LRRC7: variants seen among roughly 807,000 people sequenced by gnomAD.
LRRC7 encodes leucine rich repeat containing 7.
Under a neutral mutation model 175.7 loss-of-function variants are expected in LRRC7, and 23 were observed. That is an observed-to-expected ratio of 0.13 (90% CI 0.09 to 0.19). The LOEUF (loss-of-function observed/expected upper bound fraction) is 0.19. LRRC7 is among the 10% of genes least tolerant of loss of function. LRRC7 has a pLI of 1.00. For missense variants in LRRC7, 1,354 were observed against 1,904.7 expected (o/e 0.71, Z 5.38); for synonymous variants, 685 against 680.9 (o/e 1.01, Z -0.09).
intron 2 of LRRC7, 44 bp downstream of exon 2, chr1:69,678,522 G>T: frequency 7.2e-7 from 1 of 1,393,888 alleles, no homozygotes; most frequent in South Asian, 1.2e-5. Context: ...GATAGATTTT[G>T]GTGAGTAGCA....
At chr1:69,812,084 A>G (rs897782030) in intron 4 of LRRC7, among the ~76,000 whole-genome samples, 1 of 152,130 alleles carries the variant, frequency 6.6e-6, no homozygotes, top group Non-Finnish European at 1.5e-5. Flanking sequence ...TATAGAACAA[A>G]TGGAGCTTAC....
chr1:69,760,780 A>G (rs1317603139), intron 3 of LRRC7, among the ~76,000 whole-genome samples: 1 of 152,002 alleles, frequency 6.6e-6, no homozygotes, highest in Admixed American at 6.6e-5. Flanking sequence ...TTATATTACA[A>G]CCTTGAATTG....
intron 4 of LRRC7, among the ~76,000 whole-genome samples, chr1:69,820,843 G>T (rs573229571): frequency 3.3e-4 from 51 of 152,288 alleles, no homozygotes; most frequent in African/African-American, 1.2e-3. Flanking sequence ...TGTCTTTATA[G>T]TAGAATGATT....
At chr1:69,779,250 C>A (rs1673207393) in intron 3 of LRRC7, among the ~76,000 whole-genome samples, 1 of 152,118 alleles carries the variant, frequency 6.6e-6, no homozygotes, top group Non-Finnish European at 1.5e-5. Context: ...TATGAACAAG[C>A]ATGCTCATCC....
At chr1:69,846,877 T>G (rs778253347) in intron 7 of LRRC7, among the ~76,000 whole-genome samples, 11 of 152,132 alleles carry the variant, frequency 7.2e-5, no homozygotes, top group Non-Finnish European at 1.6e-4. Flanking sequence ...TAAAAATATC[T>G]TTATCATAAA....
intron 7 of LRRC7, among the ~76,000 whole-genome samples, chr1:69,903,349 T>A (rs1646192854): frequency 6.6e-6 from 1 of 152,132 alleles, no homozygotes; most frequent in African/African-American, 2.4e-5. Context: ...GGGTGGGGCA[T>A]CGCCTCACCT....
At chr1:69,717,511 A>C (rs144293518) in intron 2 of LRRC7, among the ~76,000 whole-genome samples, 3 of 151,796 alleles carry the variant, frequency 2.0e-5, no homozygotes, top group African/African-American at 7.2e-5. Context: ...GAAAATTATT[A>C]GTCCTTAGTG....
intron 7 of LRRC7, among the ~76,000 whole-genome samples, chr1:69,884,713 T>C (rs1364239334): frequency 6.9e-6 from 1 of 145,036 alleles, no homozygotes; most frequent in Non-Finnish European, 1.5e-5. Context: ...AGGGAATGCT[T>C]CCAGTTTTTG....
At chr1:69,809,063 T>A (rs531879553) in intron 4 of LRRC7, among the ~76,000 whole-genome samples, 1 of 151,846 alleles carries the variant, frequency 6.6e-6, no homozygotes, top group Non-Finnish European at 1.5e-5. Context: ...AAGAATCAAA[T>A]AGACACAATA....
At chr1:70,004,158 AT>A (rs975438476) in intron 11 of LRRC7, among the ~76,000 whole-genome samples, 3 of 152,166 alleles carry the variant, frequency 2.0e-5, no homozygotes, top group Non-Finnish European at 4.4e-5. Flanking sequence ...AATCTAGATG[AT>A]TTTGTTTCTA....
chr1:69,944,429 C>T (rs1557916649), intron 8 of LRRC7, among the ~76,000 whole-genome samples: 1 of 152,090 alleles, frequency 6.6e-6, no homozygotes, highest in Non-Finnish European at 1.5e-5. Context: ...ATTTGGGTCA[C>T]TTATACATCC....
chr1:69,991,306 C>T (rs890010804), intron 10 of LRRC7, among the ~76,000 whole-genome samples: 3 of 152,090 alleles, frequency 2.0e-5, no homozygotes, highest in Non-Finnish European at 4.4e-5. Context: ...CAGAGAATAT[C>T]AAGCTAGACA....
At chr1:69,688,645 T>TAAA (rs1553140109) in intron 2 of LRRC7, among the ~76,000 whole-genome samples, 19 of 148,364 alleles carry the variant, frequency 1.3e-4, no homozygotes, top group African/African-American at 3.2e-4. Flanking sequence ...TTTTTTTTTT[T>TAAA]AAAAAAAACC....
At chr1:69,932,899 C>T (rs147099650) in intron 8 of LRRC7, among the ~76,000 whole-genome samples, 6 of 152,344 alleles carry the variant, frequency 3.9e-5, no homozygotes, top group Middle Eastern at 3.4e-3. Context: ...GCTGATGCTG[C>T]GTCCTGTTAA....
In LRRC7 at chr1:70,124,650, T is replaced by A. The variant is rs1001653646; in HGVS notation, c.*2763T>A. Reference sequence around the variant, plus strand: ...AATTCTATAGGTGATGAAAACCAATTATACATTGATTTTTGATTATTGACT... The same window carrying A: ...AATTCTATAGGTGATGAAAACCAATAATACATTGATTTTTGATTATTGACT... On this transcript the variant is annotated 3_prime_UTR_variant, in exon 27 of 27. Transcript: ENST00000651989. Among the ~76,000 whole-genome samples, 2 of 152,080 alleles carry A rather than the reference T, an allele frequency of 1.3e-5. No individual in the cohort carries two copies.
rs749678174 is a variant in LRRC7 at position 69,792,035 on chromosome 1, T to G, written c.304-8T>G. 6.6e-7 allele frequency: 1 copy of G among 1,516,096 alleles called. No individual in the cohort carries two copies. Among genetic ancestry groups the G allele is most frequent in the Non-Finnish European group, 9.1e-7 (1 of 1,100,838 alleles). 93.9% of individuals were successfully genotyped at this position (1,516,096 alleles called of 1,614,324 possible). A position where few individuals can be genotyped will look rare whatever the true frequency, so the allele number is the denominator to read the frequency against. On this transcript the variant is annotated splice_region_variant and splice_polypyrimidine_tract_variant and intron_variant, in intron 3 of 26. Transcript: ENST00000651989. ...TGAGATCTAATTAATGATTATTTTCTATTACAGCAATTGTTCAACTGTCAA... is the reference window on the plus strand; with the variant it reads ...TGAGATCTAATTAATGATTATTTTCGATTACAGCAATTGTTCAACTGTCAA...
chr1:69,911,960 A>T (rs150503071), intron 7 of LRRC7, among the ~76,000 whole-genome samples: 218 of 152,282 alleles, frequency 1.4e-3, no homozygotes, highest in African/African-American at 5.1e-3. Context: ...TACAAGTAAG[A>T]AAACAACACA....
At chr1:69,858,036 G>T (rs991244341) in intron 7 of LRRC7, among the ~76,000 whole-genome samples, 2 of 152,174 alleles carry the variant, frequency 1.3e-5, no homozygotes, top group African/African-American at 2.4e-5. Flanking sequence ...AATAAATGGT[G>T]CTGGGAAAAC....
chr1:69,762,309 A>G lies in LRRC7; in HGVS notation c.303+1916A>G, dbSNP rs77209786. 8.0e-4 allele frequency among the ~76,000 whole-genome samples: 122 copies of G among 152,166 alleles called. 1 individual carries two copies. In the East Asian group the frequency reaches 0.021, roughly 26 times the overall value. On this transcript the variant is annotated intron_variant, in intron 3 of 26. Coordinates refer to ENST00000651989, the MANE Select transcript of LRRC7 (RefSeq NM_001370785.2). ...GTACTTGAAGCTTTAGGGAGGTTAC[A>G]AGAGAAATAAATCTCGATCTCTGCC...
Sources: allele counts gnomAD v4.1 joint callset (sites outside exome capture counted in the v4.1 genomes callset), GRCh38; gene constraint gnomAD v4.1.1; transcripts MANE v1.5; gene names NCBI Gene and HGNC (gene_info 2026-07-23, HGNC 2026-07-21).